The following ALDH4A1 variants were observed in gnomAD, a reference collection of about 807,000 sequenced individuals.
ALDH4A1 encodes the protein aldehyde dehydrogenase 4 family member A1.
A neutral mutation model predicts 70.5 loss-of-function variants in ALDH4A1; 46 were observed. The ratio of observed to expected loss-of-function variants is 0.65; its 90% CI spans 0.51 to 0.83. The LOEUF is 0.83. Ranked by LOEUF, ALDH4A1 falls within the 40% of genes least tolerant of loss-of-function variation. ALDH4A1 has a pLI of 0.00. For synonymous variants in ALDH4A1, 323 were observed against 324.3 expected (o/e 1.00, Z 0.04); for missense variants, 749 against 766.5 (o/e 0.98, Z 0.27).
At chr1:18,889,661 G>A (rs1053036441) in intron 2 of ALDH4A1, among the ~76,000 whole-genome samples, 3 of 152,216 alleles carry the variant, frequency 2.0e-5, no homozygotes, top group Non-Finnish European at 4.4e-5. Flanking sequence ...GCAGGAAGGT[G>A]AGGTCTACCC....
intron 1 of ALDH4A1, among the ~76,000 whole-genome samples, chr1:18,900,201 C>T (rs1935754201): frequency 6.6e-6 from 1 of 152,160 alleles, no homozygotes; most frequent in Non-Finnish European, 1.5e-5. Flanking sequence ...AGATTCCTGG[C>T]ACTCAAGGCA....
At chr1:18,876,588 AG>A in intron 11 of ALDH4A1, 121 bp from the exon 12 acceptor site, 1 of 1,199,420 alleles carries the variant, frequency 8.3e-7, no homozygotes, top group East Asian at 2.6e-5. Context: ...AAACAGGGGC[AG>A]GGGTAGGGGA....
Position 18,881,868 on chromosome 1 carries a change from T to C in ALDH4A1, c.698A>G (p.Lys233Arg), listed in dbSNP as rs376422570. 1.7e-4 allele frequency: 279 copies of C among 1,613,542 alleles called. No homozygotes were observed. Among genetic ancestry groups the C allele is most frequent in the Non-Finnish European group, 2.3e-4 (271 of 1,180,040 alleles). ...PALMGNVVLWKPSDTAMLASY... is the reference protein window; with the variant it reads ...PALMGNVVLWRPSDTAMLASY... ...GGCCAGCATGGCAGTGTCACTGGGC[T>C]TCCATAGGACCACGTTGCCCTGCCC... Residue 233 changes from lysine (K) to arginine (R), a missense_variant, in exon 8 of 15, where the codon AAG becomes AGG. Coordinates refer to ENST00000375341, the MANE Select transcript of ALDH4A1 (RefSeq NM_003748.4).
At position 18,873,073 on chromosome 1, in the gene ALDH4A1, G is replaced by A. The variant is rs142667507; in HGVS notation, c.1580-116C>T. On this transcript the variant is annotated intron_variant, in intron 14 of 14. Transcript: ENST00000375341. ...CAGTGTAGCGGCCAGCAGCGAGCCTGCTGCCAAGCTTGGGGCATGCAGAAG... is the reference window on the plus strand; with the variant it reads ...CAGTGTAGCGGCCAGCAGCGAGCCTACTGCCAAGCTTGGGGCATGCAGAAG... The A allele has an allele frequency of 1.0e-4, 89 of 887,678 alleles. No individual in the cohort carries two copies. The African/African-American group carries it at 1.3e-3, about 13-fold the overall frequency. The allele number at this position is 887,678 out of a possible 1,614,324, so 55.0% of individuals were successfully genotyped here. A position where few individuals can be genotyped will look rare whatever the true frequency, so the allele number is the denominator to read the frequency against.
intron 8 of ALDH4A1, among the ~76,000 whole-genome samples, chr1:18,879,970 G>A (rs992770311): frequency 1.3e-5 from 2 of 152,184 alleles, no homozygotes; most frequent in East Asian, 1.9e-4. Context: ...AATCACCCGG[G>A]AGCCAGCGAC....
chr1:18,872,903 T>C lies in ALDH4A1; in HGVS notation c.1634A>G (p.Gln545Arg). Residue 545 changes from glutamine (Q) to arginine (R), a missense_variant, in exon 15 of 15, where the codon CAG becomes CGG. Physicochemically the swap from Gln to Arg is conservative, Grantham distance 43 (BLOSUM62 1). Coordinates refer to ENST00000375341, the MANE Select transcript of ALDH4A1 (RefSeq NM_003748.4). Reference protein sequence around the residue: ...PHYILRWTSPQVIKETHKPLG... With the variant: ...PHYILRWTSPRVIKETHKPLG... Reference sequence around the variant, plus strand: ...GGGCTTATGTGTCTCCTTGATGACCTGCGGCGACGTCCAGCGCAGGATGTA... The same window carrying C: ...GGGCTTATGTGTCTCCTTGATGACCCGCGGCGACGTCCAGCGCAGGATGTA... 6.2e-7 allele frequency: 1 copy of C among 1,614,050 alleles called. No homozygotes were observed. Among genetic ancestry groups the C allele is most frequent in the Non-Finnish European group, 8.5e-7 (1 of 1,179,996 alleles).
At position 18,892,558 on chromosome 1, in the gene ALDH4A1, C is replaced by CGGG. The variant is rs66842291; in HGVS notation, c.63-2456_63-2454dup. 3.6e-4 allele frequency among the ~76,000 whole-genome samples: 44 copies of CGGG among 122,238 alleles called. No individual in the cohort carries two copies. The East Asian group carries it at 5.8e-3, about 16-fold the overall frequency. The allele number at this position is 122,238 out of a possible 152,430, so 80.2% of individuals were successfully genotyped here. On this transcript the variant is annotated intron_variant, in intron 1 of 14. Coordinates refer to ENST00000375341, the MANE Select transcript of ALDH4A1 (RefSeq NM_003748.4). ...GAAGAGCATCCCAGGTAGAAGGAGG[C>CGGG]GGGGGGGGGCTGAGAGGGGCCTGCG...
intron 2 of ALDH4A1, 69 bp downstream of exon 2, chr1:18,889,943 T>C: frequency 7.4e-7 from 1 of 1,349,810 alleles, no homozygotes; most frequent in Non-Finnish European, 1.0e-6. Context: ...GGGCGCTATC[T>C]CAGGGCTGCT....
chr1:18,883,320 C>A lies in ALDH4A1; in HGVS notation c.562G>T (p.Val188Leu). The change falls in exon 6 of 15, where the codon GTG (valine) becomes TTG (leucine). Residue 188 changes from valine (V) to leucine (L), a missense_variant. By Grantham distance (32) the Val-to-Leu change is conservative. Coordinates refer to ENST00000375341, the MANE Select transcript of ALDH4A1 (RefSeq NM_003748.4). ...VELEGQQPIS[V>L]PPSTNSTVYR... ...ACCGTGCTGTTGGTGCTCGGGGGCACGCTGATGGGCTGCTGCCCCTCCAGC... is the reference window on the plus strand; with the variant it reads ...ACCGTGCTGTTGGTGCTCGGGGGCAAGCTGATGGGCTGCTGCCCCTCCAGC... 6.2e-7 allele frequency: 1 copy of A among 1,613,294 alleles called. No homozygotes were observed. Among genetic ancestry groups the A allele is most frequent in the South Asian group, 1.1e-5 (1 of 91,092 alleles).
chr1:18,875,435 C>G lies in ALDH4A1; in HGVS notation c.1407G>C (p.Leu469=). 1 of 1,614,150 alleles carries G rather than the reference C, an allele frequency of 6.2e-7. No homozygotes were observed. Residue 469 remains leucine (L), a synonymous_variant, in exon 13 of 15, where the codon CTG becomes CTC. Coordinates refer to ENST00000375341, the MANE Select transcript of ALDH4A1 (RefSeq NM_003748.4). Reference sequence around the variant, plus strand: ...GGCCATAGCTGGTGGTGCTGTCAACCAGCTGCAGCGTCTCCTTGTACTTGT... The same window carrying G: ...GGCCATAGCTGGTGGTGCTGTCAACGAGCTGCAGCGTCTCCTTGTACTTGT... ...PDDKYKETLQ[L]VDSTTSYGLT... is the part of the protein sequence containing the mutation.
chr1:18,902,416 GCC>G, intron 1 of ALDH4A1, 44 bp downstream of exon 1: 1 of 1,300,068 alleles, frequency 7.7e-7, no homozygotes, highest in Non-Finnish European at 9.8e-7. Flanking sequence ...AGGCTCCCGG[GCC>G]CCAGGCGCGC....
intron 12 of ALDH4A1, among the ~76,000 whole-genome samples, chr1:18,876,058 GC>G (rs1270434350): frequency 6.6e-6 from 1 of 152,226 alleles, no homozygotes; most frequent in African/African-American, 2.4e-5. Context: ...TATGATGGCT[GC>G]AGTGGACGTG....
chr1:18,902,404 T>C (rs1935830821), intron 1 of ALDH4A1, 58 bp downstream of exon 1: 1 of 1,281,328 alleles, frequency 7.8e-7, no homozygotes, highest in Non-Finnish European at 1.0e-6. Context: ...CCAGTGACTC[T>C]CAGGCTCCCG....
rs1266659024 is a variant in ALDH4A1, at chr1:18,880,867, G to A, written c.866+833C>T. Reference sequence around the variant, plus strand: ...TTATTTGCAATCTCTGCCTGACACAGAACTCTGACTCAGCCACTCTCCCTG... The same window carrying A: ...TTATTTGCAATCTCTGCCTGACACAAAACTCTGACTCAGCCACTCTCCCTG... On this transcript the variant is annotated intron_variant, in intron 8 of 14. Transcript: ENST00000375341. This position sits in a 1 kb window ranked among gnomAD's most constrained non-coding sequence, Gnocchi z 5.1. Among the ~76,000 whole-genome samples, 2 of 152,130 alleles carry A rather than the reference G, an allele frequency of 1.3e-5. No individual in the cohort carries two copies. Among genetic ancestry groups the A allele is most frequent in the Non-Finnish European group, 2.9e-5 (2 of 68,032 alleles).
rs1452099124 is a variant in ALDH4A1, at chr1:18,880,947, C to CCTTT, written c.866+752_866+753insAAAG. Among the ~76,000 whole-genome samples, 2 of 152,238 alleles carry CCTTT rather than the reference C, an allele frequency of 1.3e-5. No individual in the cohort carries two copies. The highest frequency in any genetic ancestry group is 4.1e-4 in the South Asian group (2 of 4,828). On this transcript the variant is annotated intron_variant, in intron 8 of 14. Transcript: ENST00000375341. The surrounding 1 kb of genome is among the most constrained non-coding windows in gnomAD (Gnocchi z 5.1). ...TCAGGATAAAGGCCAGACACCTTTG[C>CCTTT]AGACTCCTAAGTATCTTATGGTCAC...
rs371463642 is a variant in ALDH4A1, at chr1:18,897,014, G to A, written c.62+5448C>T. ...CCACATGCCAAGCATTAACCTAAGT[G>A]AGACAGGATCATCTCACTGAATCCA... On this transcript the variant is annotated intron_variant, in intron 1 of 14. Transcript: ENST00000375341. The A allele has an allele frequency of 1.5e-5, 8 of 524,766 alleles. No homozygotes were observed. In the African/African-American group the frequency reaches 1.6e-4, roughly 10 times the overall value. 32.5% of individuals were successfully genotyped at this position (524,766 alleles called of 1,614,324 possible). A position where few individuals can be genotyped will look rare whatever the true frequency, so the allele number is the denominator to read the frequency against.
chr1:18,886,387 G>C, intron 4 of ALDH4A1, 77 bp downstream of exon 4: 2 of 1,519,346 alleles, frequency 1.3e-6, no homozygotes. Context: ...CCCTGCCCCC[G>C]CCATATCAGC....
At chr1:18,879,455 G>A (rs555277404) in intron 8 of ALDH4A1, 82 bp from the exon 9 acceptor site, 89 of 1,275,024 alleles carry the variant, frequency 7.0e-5, no homozygotes, top group Non-Finnish European at 8.1e-5. Context: ...GAGCATTGCC[G>A]GGGGCAGCCC....
intron 1 of ALDH4A1, among the ~76,000 whole-genome samples, chr1:18,902,097 C>T (rs1569813469): frequency 1.3e-5 from 2 of 152,142 alleles, no homozygotes; most frequent in East Asian, 1.9e-4. Context: ...AATAGAAGGG[C>T]CCCTCAGGGG....
Sources: gnomAD v4.1 joint callset for allele counts (sites outside exome capture counted in the v4.1 genomes callset) on GRCh38, gnomAD v4.1.1 for gene constraint, Gnocchi (gnomAD v3.1) non-coding constraint, MANE v1.5 for transcripts, NCBI Gene and HGNC (gene_info 2026-07-23, HGNC 2026-07-21) for gene names.